The following THSD7A variants were observed in gnomAD, a reference collection of about 807,000 sequenced individuals.
THSD7A encodes the protein thrombospondin type-1 domain-containing protein 7A.
THSD7A carries 96 observed loss-of-function variants against 231.3 expected under a neutral mutation model. The ratio of observed to expected loss-of-function variants is 0.41; its 90% CI spans 0.35 to 0.49. The LOEUF (loss-of-function observed/expected upper bound fraction) is 0.49, where lower values mean the gene tolerates loss of function less well. Ranked by LOEUF, THSD7A falls within the 20% of genes least tolerant of loss-of-function variation. THSD7A has a pLI of 0.05. For synonymous variants in THSD7A, 940 were observed against 743.3 expected, an observed-to-expected ratio of 1.26 and a Z score of -4.30; for missense variants, 2,290 against 2,070.2, an observed-to-expected ratio of 1.11 and a Z score of -2.06.
chr7:11,555,928 C>T (rs2128327728), intron 4 of THSD7A, among the ~76,000 whole-genome samples: 1 of 151,834 alleles, frequency 6.6e-6, no homozygotes, highest in Admixed American at 6.6e-5. Flanking sequence ...TTTCATGACA[C>T]ACAGTTTCTC....
chr7:11,494,960 G>A (rs1312112807), intron 6 of THSD7A, among the ~76,000 whole-genome samples: 1 of 152,010 alleles, frequency 6.6e-6, no homozygotes, highest in Admixed American at 6.6e-5. Flanking sequence ...TCAAATGTAT[G>A]AGTTTGGGAG....
At chr7:11,426,247 T>C (rs1477876592) in intron 15 of THSD7A, among the ~76,000 whole-genome samples, 1 of 152,168 alleles carries the variant, frequency 6.6e-6, no homozygotes, top group African/African-American at 2.4e-5. Flanking sequence ...CTTAATCCTT[T>C]GATGGCTTTT....
intron 13 of THSD7A, among the ~76,000 whole-genome samples, chr7:11,436,344 T>C (rs1464506789): frequency 6.6e-6 from 1 of 152,116 alleles, no homozygotes; most frequent in Non-Finnish European, 1.5e-5. Context: ...GCCATGAAAG[T>C]ATTTGCAAAG....
At chr7:11,663,079 A>C (rs1169764677) in intron 1 of THSD7A, among the ~76,000 whole-genome samples, 1 of 151,322 alleles carries the variant, frequency 6.6e-6, no homozygotes, top group Non-Finnish European at 1.5e-5. Flanking sequence ...TAATTAATGA[A>C]ATGGAAATCA....
chr7:11,744,095 A>G (rs1782197134), intron 1 of THSD7A, among the ~76,000 whole-genome samples: 1 of 151,880 alleles, frequency 6.6e-6, no homozygotes, highest in African/African-American at 2.4e-5. Flanking sequence ...AAGGAACCCA[A>G]AATGAATCTA....
At position 11,424,898 on chromosome 7, in the gene THSD7A, A is replaced by T. The variant is rs185079970; in HGVS notation, c.3250-69T>A. ...GAGTGAGGAGGAAGACTTCCACACC[A>T]TAACAGCAATCATTTCACTGTGAAG... On this transcript the variant is annotated intron_variant, in intron 15 of 27. Coordinates refer to ENST00000423059, the MANE Select transcript of THSD7A (RefSeq NM_015204.3). The T allele has an allele frequency of 1.9e-6, 3 of 1,567,196 alleles. No homozygotes were observed. In the East Asian group the frequency reaches 6.7e-5, roughly 35 times the overall value.
intron 7 of THSD7A, among the ~76,000 whole-genome samples, chr7:11,480,047 T>A (rs148011595): frequency 6.6e-6 from 1 of 152,164 alleles, no homozygotes; most frequent in Non-Finnish European, 1.5e-5. Context: ...TATACAATTA[T>A]TACACGTCAA....
chr7:11,753,672 T>A (rs1782580228), intron 1 of THSD7A, among the ~76,000 whole-genome samples: 1 of 151,830 alleles, frequency 6.6e-6, no homozygotes, highest in African/African-American at 2.4e-5. Context: ...CTGGCTGGCC[T>A]GCCCTAAGAC....
chr7:11,604,261 C>A (rs1780662458), intron 2 of THSD7A, among the ~76,000 whole-genome samples: 2 of 151,970 alleles, frequency 1.3e-5, no homozygotes, highest in Non-Finnish European at 2.9e-5. Flanking sequence ...AGAGTTTTCC[C>A]AAGGTCTTGC....
At chr7:11,422,583 T>C (rs1427328582) in intron 16 of THSD7A, among the ~76,000 whole-genome samples, 2 of 135,642 alleles carry the variant, frequency 1.5e-5, no homozygotes, top group African/African-American at 5.7e-5. Flanking sequence ...ATGTTAAGAC[T>C]ATCTATTTAC....
At chr7:11,544,221 A>G (rs1388993296) in intron 4 of THSD7A, among the ~76,000 whole-genome samples, 1 of 152,140 alleles carries the variant, frequency 6.6e-6, no homozygotes, top group Non-Finnish European at 1.5e-5. Context: ...GCACACCTGT[A>G]GTCCCAGCTA....
intron 8 of THSD7A, among the ~76,000 whole-genome samples, chr7:11,470,740 G>T (rs1460256396): frequency 6.6e-6 from 1 of 151,678 alleles, no homozygotes; most frequent in African/African-American, 2.4e-5. Flanking sequence ...TAGTAAATCA[G>T]TAAAGAAAAC....
intron 11 of THSD7A, among the ~76,000 whole-genome samples, chr7:11,459,750 A>G (rs1250136036): frequency 7.1e-6 from 1 of 141,448 alleles, no homozygotes; most frequent in Non-Finnish European, 1.5e-5. Context: ...TTTTCACTGT[A>G]CAGAAAATGA....
chr7:11,720,479 A>G (rs1781311503), intron 1 of THSD7A, among the ~76,000 whole-genome samples: 1 of 151,712 alleles, frequency 6.6e-6, no homozygotes, highest in African/African-American at 2.4e-5. Context: ...GCTCCTTTCC[A>G]TCAGCCTTTA....
chr7:11,550,927 A>C (rs955302943), intron 4 of THSD7A, among the ~76,000 whole-genome samples: 1 of 152,114 alleles, frequency 6.6e-6, no homozygotes, highest in Non-Finnish European at 1.5e-5. Flanking sequence ...CAGAGGCATC[A>C]CACTCCCCAC....
Position 11,411,312 on chromosome 7 carries a change from T to G in THSD7A, c.3693A>C (p.Thr1231=). 1 of 1,612,682 alleles carries G rather than the reference T, an allele frequency of 6.2e-7. No individual in the cohort carries two copies. Among genetic ancestry groups the G allele is most frequent in the Non-Finnish European group, 8.5e-7 (1 of 1,178,938 alleles). ...AAACTGCCTTCTCACTCAGCTGACA[T>G]GTACTCCAGTCTGAAAAAAAGGGAA... ...HYDYNVTDWS[T]CQLSEKAVCG... The change falls in exon 19 of 28, where the codon ACA becomes ACC. Residue 1231 remains threonine, a synonymous_variant. Transcript: ENST00000423059. The surrounding 1 kb of genome is among the most constrained non-coding windows in gnomAD (Gnocchi z 4.1).
intron 1 of THSD7A, among the ~76,000 whole-genome samples, chr7:11,667,655 C>A (rs774636038): frequency 6.6e-6 from 1 of 151,988 alleles, no homozygotes; most frequent in Non-Finnish European, 1.5e-5. Flanking sequence ...TCTTTTTGGG[C>A]CCACTGTTAA....
chr7:11,758,465 G>A (rs1033076551), intron 1 of THSD7A, among the ~76,000 whole-genome samples: 3 of 152,016 alleles, frequency 2.0e-5, no homozygotes, highest in Admixed American at 1.3e-4. Context: ...ATTTGCCAGA[G>A]GTATATTTTT....
chr7:11,750,919 CT>C (rs1220014168), intron 1 of THSD7A, among the ~76,000 whole-genome samples: 1 of 151,974 alleles, frequency 6.6e-6, no homozygotes, highest in African/African-American at 2.4e-5. Flanking sequence ...TGAGTTTAAT[CT>C]ATCCTAAATT....
Sources: allele counts gnomAD v4.1 joint callset (sites outside exome capture counted in the v4.1 genomes callset), GRCh38; gene constraint gnomAD v4.1.1; non-coding constraint Gnocchi (gnomAD v3.1); transcripts MANE v1.5; gene names NCBI Gene and HGNC (gene_info 2026-07-23, HGNC 2026-07-21).